Variants in FAM9A observed in about 807,000 individuals in gnomAD.
FAM9A encodes the protein protein FAM9A.
Under a neutral mutation model 25.0 loss-of-function variants are expected in FAM9A, and 49 were observed. The ratio of observed to expected loss-of-function variants is 1.96; its 90% CI spans 1.56 to 2.48. The LOEUF (loss-of-function observed/expected upper bound fraction) is 2.48, where lower values mean the gene tolerates loss of function less well. FAM9A is among the 30% of genes most tolerant of loss of function. The pLI, the probability that FAM9A is intolerant of heterozygous loss-of-function variation, is 0.00. For synonymous variants in FAM9A, 80 were observed against 85.1 expected (o/e 0.94, Z 0.33); for missense variants, 266 against 249.3 (o/e 1.07, Z -0.45).
chrX:8,792,034 G>A (rs1392017169), intron 8 of FAM9A, among the ~76,000 whole-genome samples: 2 of 112,128 alleles, frequency 1.8e-5, no homozygotes, highest in Non-Finnish European at 1.9e-5. Context: ...AAATGGAGAC[G>A]TATGTTGACT....
At chrX:8,792,940 G>A (rs1381043272) in intron 8 of FAM9A, among the ~76,000 whole-genome samples, 1 of 112,296 alleles carries the variant, frequency 8.9e-6, no homozygotes, top group Non-Finnish European at 1.9e-5. Context: ...AATTCACAAC[G>A]TGTTAATAAT....
intron 3 of FAM9A, 123 bp from the exon 4 acceptor site, chrX:8,798,602 A>G: frequency 1.8e-6 from 2 of 1,091,033 alleles, no homozygotes; most frequent in Non-Finnish European, 2.4e-6. Context: ...TTTAAAGCAG[A>G]GCTATGCATG....
At chrX:8,791,405 A>G (rs1412745978) in intron 8 of FAM9A, 26 bp from the exon 9 acceptor site, 3 of 1,109,656 alleles carry the variant, frequency 2.7e-6, no homozygotes. Context: ...TAGTTCACTG[A>G]CAAACCACCA....
At chrX:8,794,623 A>C (rs1413670070) in intron 7 of FAM9A, among the ~76,000 whole-genome samples, 2 of 111,405 alleles carry the variant, frequency 1.8e-5, no homozygotes, top group Admixed American at 1.9e-4. Context: ...CACTCACTTC[A>C]GTACTACAGC....
At chrX:8,798,211 C>A in intron 4 of FAM9A, 30 bp from the exon 5 acceptor site, 1 of 1,203,936 alleles carries the variant, frequency 8.3e-7, no homozygotes, top group Non-Finnish European at 1.1e-6. Context: ...AAAATTTTAT[C>A]ATAATGCTAC....
chrX:8,793,818 T>C lies in FAM9A; in HGVS notation c.832-62A>G. 5.2e-6 allele frequency: 4 copies of C among 768,843 alleles called. No individual in the cohort carries two copies. The South Asian group carries it at 9.2e-5, about 18-fold the overall frequency. 63.4% of individuals were successfully genotyped at this position (768,843 alleles called of 1,213,427 possible). A position where few individuals can be genotyped will look rare whatever the true frequency, so the allele number is the denominator to read the frequency against. ...ATTTTTAATACTTACAAAACATAATTCTGCATTAGCTTTATAGGAATACTC... is the reference window on the plus strand; with the variant it reads ...ATTTTTAATACTTACAAAACATAATCCTGCATTAGCTTTATAGGAATACTC... On this transcript the variant is annotated intron_variant, in intron 7 of 9. Transcript: ENST00000381003.
At chrX:8,792,990 C>T in intron 8 of FAM9A, among the ~76,000 whole-genome samples, 1 of 112,419 alleles carries the variant, frequency 8.9e-6, no homozygotes, top group Middle Eastern at 4.6e-3. Context: ...TGAACCATCT[C>T]TTATGACTAC....
chrX:8,799,124 G>C lies in FAM9A; in HGVS notation c.92-30C>G, dbSNP rs202040210. ...TTGAGTGCAAAGTCAAACTAAGTAA[G>C]CTAAGGAAACAGGATATGTGAAAGG... On this transcript the variant is annotated intron_variant, in intron 2 of 9. Transcript: ENST00000381003. The C allele has an allele frequency of 3.5e-5, 41 of 1,176,551 alleles. No homozygotes were observed. The East Asian group carries it at 7.6e-4, about 22-fold the overall frequency.
chrX:8,796,278 G>GTT lies in FAM9A; in HGVS notation c.476_477dup (p.Gln160AsnfsTer3). On this transcript the variant is annotated frameshift_variant, in exon 6 of 10. Coordinates refer to ENST00000381003, the MANE Select transcript of FAM9A (RefSeq NM_174951.3). LOFTEE classifies it high-confidence loss of function. ...AGCCAACAATCATACCTTTTTAGTTGTTTTTTTTTCAAAGCACGTTCAATT... is the reference window on the plus strand; with the variant it reads ...AGCCAACAATCATACCTTTTTAGTTGTTTTTTTTTTTCAAAGCACGTTCAATT... 1 of 1,140,231 alleles carries GTT rather than the reference G, an allele frequency of 8.8e-7. No individual in the cohort carries two copies. The highest frequency in any genetic ancestry group is 1.9e-5 in the South Asian group (1 of 51,687). 94.0% of individuals were successfully genotyped at this position (1,140,231 alleles called of 1,213,427 possible). A position where few individuals can be genotyped will look rare whatever the true frequency, so the allele number is the denominator to read the frequency against.
intron 6 of FAM9A, among the ~76,000 whole-genome samples, 173 bp downstream of exon 6, chrX:8,796,095 G>C (rs1208398573): frequency 9.0e-6 from 1 of 111,654 alleles, no homozygotes; most frequent in East Asian, 2.8e-4. Context: ...CCTCAATTCT[G>C]TTAAACTGAG....
Position 8,798,471 on chromosome X carries a change from G to T in FAM9A, c.229C>A (p.Pro77Thr). Residue 77 changes from proline to threonine, a missense_variant, in exon 4 of 10, where the codon CCA becomes ACA. By Grantham distance (38) the Pro-to-Thr change is conservative (BLOSUM62 -1). Transcript: ENST00000381003. ...APAKKHTGKD[P>T]VRDECEERNP... is the part of the protein sequence containing the mutation. ...CTTTCCTCACATTCATCACGGACTG[G>T]ATCCTTTCCTGCATTAAAATGTAAA... The T allele has an allele frequency of 1.7e-6, 2 of 1,208,668 alleles. No homozygotes were observed. Among genetic ancestry groups the T allele is most frequent in the South Asian group, 3.6e-5 (2 of 55,787 alleles).
chrX:8,798,867 C>A, intron 3 of FAM9A, 99 bp downstream of exon 3: 1 of 1,164,322 alleles, frequency 8.6e-7, no homozygotes, highest in African/African-American at 1.8e-5. Context: ...ACGAAGGGGC[C>A]AGGGGTCTCG....
rs1234915071 is a variant in FAM9A at position 8,795,194 on chromosome X, C to T, written c.715G>A (p.Glu239Lys). Reference protein sequence around the residue: ...EEEEKEEEEEEGEEEGGGEEG... With the variant: ...EEEEKEEEEEKGEEEGGGEEG... Reference sequence around the variant, plus strand: ...TCTCCTCCTCCTTCTTCTTCTCCTTCTTCTTCCTCCTCTTCTTTCTCCTCC... The same window carrying T: ...TCTCCTCCTCCTTCTTCTTCTCCTTTTTCTTCCTCCTCTTCTTTCTCCTCC... The change falls in exon 7 of 10, where the codon GAA becomes AAA. Residue 239 changes from glutamate to lysine, a missense_variant. Coordinates refer to ENST00000381003, the MANE Select transcript of FAM9A (RefSeq NM_174951.3). 1.9e-6 allele frequency: 2 copies of T among 1,041,622 alleles called. No individual in the cohort carries two copies. The highest frequency in any genetic ancestry group is 2.6e-6 in the Non-Finnish European group (2 of 768,048). The allele number at this position is 1,041,622 out of a possible 1,213,427, so 85.8% of individuals were successfully genotyped here. A position where few individuals can be genotyped will look rare whatever the true frequency, so the allele number is the denominator to read the frequency against.
chrX:8,798,412 T>A lies in FAM9A; in HGVS notation c.288A>T (p.Val96=). Residue 96 remains valine (V), a synonymous_variant, in exon 4 of 10, where the codon GTA becomes GTT. Coordinates refer to ENST00000381003, the MANE Select transcript of FAM9A (RefSeq NM_174951.3). Reference sequence around the variant, plus strand: ...GTTCTCTTTCCCCATGCTCATCAGTTACATCTTCCTCCCTTGTTTCTGTAA... The same window carrying A: ...GTTCTCTTTCCCCATGCTCATCAGTAACATCTTCCTCCCTTGTTTCTGTAA... ...NPFTETREED[V]TDEHGEREPF... The A allele has an allele frequency of 8.2e-7, 1 of 1,212,198 alleles. No homozygotes were observed. The highest frequency in any genetic ancestry group is 1.1e-6 in the Non-Finnish European group (1 of 895,687).
At position 8,795,363 on chromosome X, in the gene FAM9A, G is replaced by A. The variant is rs754182186; in HGVS notation, c.546C>T (p.Ile182=). 14 of 1,207,601 alleles carry A rather than the reference G, an allele frequency of 1.2e-5. No homozygotes were observed. The East Asian group carries it at 3.8e-4, about 33-fold the overall frequency. Residue 182 remains isoleucine, a synonymous_variant, in exon 7 of 10, where the codon ATC becomes ATT. Transcript: ENST00000381003. ...RKLLNVLKEY[I]AEKQKDDEAE... ...CTTCATCATCTTTCTGCTTCTCTGCGATGTATTCTTTAAGGACATTCAGCA... is the reference window on the plus strand; with the variant it reads ...CTTCATCATCTTTCTGCTTCTCTGCAATGTATTCTTTAAGGACATTCAGCA...
At chrX:8,800,344 G>A in intron 1 of FAM9A, 135 bp from the exon 2 acceptor site, 2 of 825,887 alleles carry the variant, frequency 2.4e-6, no homozygotes, top group Non-Finnish European at 3.4e-6. Flanking sequence ...AGGGGTCGGA[G>A]AAGATGCCAG....
In FAM9A at chrX:8,793,679, C is replaced by G; in HGVS notation, c.909G>C (p.Pro303=). 3 of 1,209,855 alleles carry G rather than the reference C, an allele frequency of 2.5e-6. No homozygotes were observed. Among genetic ancestry groups the G allele is most frequent in the Non-Finnish European group, 3.4e-6 (3 of 894,046 alleles). The stretch of plus-strand genomic sequence containing the variant: ...AGACCTTTAGTAATTGCTCAAGTAG[C>G]GGCTTCATCTCTCTCAGCCTCCAGC... ...VRSWRLREMK[P]LLEQLLKAAK... is the part of the protein sequence containing the mutation. The change falls in exon 8 of 10, where the codon CCG becomes CCC. Residue 303 remains proline, a synonymous_variant. Transcript: ENST00000381003.
chrX:8,798,374 T>G lies in FAM9A; in HGVS notation c.326A>C (p.Lys109Thr), dbSNP rs376701169. 7 of 1,210,232 alleles carry G rather than the reference T, an allele frequency of 5.8e-6. No homozygotes were observed. In the South Asian group the frequency reaches 7.1e-5, roughly 12 times the overall value. The change falls in exon 4 of 10, where the codon AAA becomes ACA. Residue 109 changes from lysine (K) to threonine (T), a missense_variant. Transcript: ENST00000381003. ...AACACTTTACCCCGTGTGTTCATCTTTTTCAGCAAAAGGTTCTCTTTCCCC... is the reference window on the plus strand; with the variant it reads ...AACACTTTACCCCGTGTGTTCATCTGTTTCAGCAAAAGGTTCTCTTTCCCC... ...EHGEREPFAE[K>T]DEHTGIHTMK...
At chrX:8,796,827 A>G (rs951870716) in intron 5 of FAM9A, among the ~76,000 whole-genome samples, 1 of 112,300 alleles carries the variant, frequency 8.9e-6, no homozygotes, top group African/African-American at 3.2e-5. Context: ...AGTACACAAT[A>G]AGAAGAGCAT....
Sources: allele counts gnomAD v4.1 joint callset (sites outside exome capture counted in the v4.1 genomes callset), GRCh38; gene constraint gnomAD v4.1.1; transcripts MANE v1.5; gene names NCBI Gene and HGNC (gene_info 2026-07-23, HGNC 2026-07-21).